IL36B: variants seen among roughly 807,000 people sequenced by gnomAD.
The protein encoded by IL36B is interleukin 36 beta, also known as interleukin-36 beta.
IL36B carries 23 observed loss-of-function variants against 19.3 expected under a neutral mutation model. That is an observed-to-expected ratio of 1.19 (90% CI 0.86 to 1.69). IL36B has a LOEUF of 1.69. IL36B is among the 40% of genes most tolerant of loss of function. IL36B has a pLI of 0.00. For missense variants in IL36B, 217 were observed against 200.5 expected (o/e 1.08, Z -0.50); for synonymous variants, 59 against 59.7 (o/e 0.99, Z 0.05).
At chr2:113,050,548 T>C (rs984423084) in intron 1 of IL36B, among the ~76,000 whole-genome samples, 3 of 152,120 alleles carry the variant, frequency 2.0e-5, no homozygotes, top group African/African-American at 4.8e-5. Flanking sequence ...TGCCCAACAA[T>C]GTGAATGTCC....
At chr2:113,038,538 C>T (rs1685197207) in intron 1 of IL36B, among the ~76,000 whole-genome samples, 1 of 152,162 alleles carries the variant, frequency 6.6e-6, no homozygotes, top group Admixed American at 6.5e-5. Flanking sequence ...GCAGCTGTGA[C>T]TGCTGGTTGC....
chr2:113,042,158 C>T (rs1685269962), intron 1 of IL36B, among the ~76,000 whole-genome samples: 1 of 152,160 alleles, frequency 6.6e-6, no homozygotes, highest in Non-Finnish European at 1.5e-5. Flanking sequence ...GTTCATTCAC[C>T]TGTCACCCTA....
At chr2:113,029,209 C>T (rs1336304849) in intron 3 of IL36B, 131 bp from the exon 4 acceptor site, 5 of 857,598 alleles carry the variant, frequency 5.8e-6, no homozygotes, top group Non-Finnish European at 8.8e-6. Flanking sequence ...CATCACCCTC[C>T]TCAAACCTAT....
intron 1 of IL36B, among the ~76,000 whole-genome samples, chr2:113,041,397 G>T (rs775288061): frequency 1.1e-4 from 17 of 152,112 alleles, no homozygotes; most frequent in Non-Finnish European, 2.1e-4. Context: ...ATATCCATGA[G>T]AAAATATGAA....
intron 1 of IL36B, among the ~76,000 whole-genome samples, chr2:113,045,962 T>C (rs1017768804): frequency 6.6e-6 from 1 of 152,222 alleles, no homozygotes; most frequent in Non-Finnish European, 1.5e-5. Context: ...CTGAATTTCC[T>C]GTTTCTTTGC....
At position 113,047,214 on chromosome 2, in the gene IL36B, T is replaced by G. The variant is rs35805200; in HGVS notation, c.-58+5603A>C. On this transcript the variant is annotated intron_variant, in intron 1 of 5. Transcript: ENST00000259213. ...CTTACTTTTTGTTACAACAACATGCTTAGGCTGCTCTTGTGTATTTTCTGT... is the reference window on the plus strand; with the variant it reads ...CTTACTTTTTGTTACAACAACATGCGTAGGCTGCTCTTGTGTATTTTCTGT... Among the ~76,000 whole-genome samples, 613 of 152,346 alleles carry G rather than the reference T, an allele frequency of 4.0e-3. 7 individuals are homozygous for G. Among genetic ancestry groups the G allele is most frequent in the African/African-American group, 0.014 (581 of 41,578 alleles).
chr2:113,045,406 T>A (rs929295745), intron 1 of IL36B, among the ~76,000 whole-genome samples: 5 of 152,218 alleles, frequency 3.3e-5, no homozygotes, highest in African/African-American at 9.6e-5. Flanking sequence ...ATTTTCTCAG[T>A]ATCACTGGTT....
intron 1 of IL36B, among the ~76,000 whole-genome samples, chr2:113,040,600 G>A (rs1272248936): frequency 6.6e-6 from 1 of 152,020 alleles, no homozygotes; most frequent in Non-Finnish European, 1.5e-5. Context: ...CTGGCAGCAG[G>A]CTATCAGAAA....
intron 1 of IL36B, among the ~76,000 whole-genome samples, chr2:113,037,119 G>A (rs980270411): frequency 4.6e-5 from 7 of 152,234 alleles, no homozygotes; most frequent in Admixed American, 3.3e-4. Flanking sequence ...TTCCCATGAT[G>A]AGCGTGAGCA....
intron 1 of IL36B, 129 bp from the exon 2 acceptor site, chr2:113,031,895 A>G: frequency 1.7e-6 from 1 of 573,626 alleles, no homozygotes; most frequent in Non-Finnish European, 3.1e-6. Flanking sequence ...CTAGATGCAT[A>G]TTTGAGAATA....
chr2:113,028,170 T>C, intron 4 of IL36B, 55 bp from the exon 5 acceptor site: 1 of 1,418,498 alleles, frequency 7.0e-7, no homozygotes, highest in South Asian at 1.2e-5. Flanking sequence ...GAAGCTAAAG[T>C]AACTCAGCTC....
intron 5 of IL36B, among the ~76,000 whole-genome samples, chr2:113,024,551 C>T (rs1028434019): frequency 1.3e-5 from 2 of 152,178 alleles, no homozygotes; most frequent in African/African-American, 4.8e-5. Flanking sequence ...CAAAGAACAT[C>T]ACAGCTCTCG....
chr2:113,031,252 G>C, intron 2 of IL36B, 97 bp from the exon 3 acceptor site: 1 of 791,682 alleles, frequency 1.3e-6, no homozygotes, highest in Non-Finnish European at 2.2e-6. Flanking sequence ...TTTCTGGAGA[G>C]AGTCTCATTG....
chr2:113,049,798 T>C (rs1685410989), intron 1 of IL36B, among the ~76,000 whole-genome samples: 1 of 152,030 alleles, frequency 6.6e-6, no homozygotes, highest in Non-Finnish European at 1.5e-5. Flanking sequence ...CTACTAAAAA[T>C]ACAAAAGTTA....
intron 1 of IL36B, among the ~76,000 whole-genome samples, chr2:113,039,203 G>A (rs1403736204): frequency 1.3e-5 from 2 of 152,120 alleles, no homozygotes; most frequent in African/African-American, 4.8e-5. Context: ...TGAGGGATGA[G>A]ACAGGCACAG....
chr2:113,043,057 T>G (rs762767087), intron 1 of IL36B, among the ~76,000 whole-genome samples: 1 of 152,148 alleles, frequency 6.6e-6, no homozygotes, highest in Non-Finnish European at 1.5e-5. Context: ...GTAGGCTTTT[T>G]GTTTTGGTCA....
At chr2:113,026,094 G>T (rs13429363) in intron 5 of IL36B, 13 of 1,612,658 alleles carry the variant, frequency 8.1e-6, no homozygotes, top group African/African-American at 1.3e-5. Context: ...AAGAGAATTT[G>T]CTCCTCACCC....
At chr2:113,047,006 CTTATT>C (rs1357077649) in intron 1 of IL36B, among the ~76,000 whole-genome samples, 2 of 152,058 alleles carry the variant, frequency 1.3e-5, no homozygotes, top group African/African-American at 2.4e-5. Context: ...ATTAGTCTGT[CTTATT>C]TATTTATTTA....
At chr2:113,030,401 G>A (rs1291768059) in intron 3 of IL36B, among the ~76,000 whole-genome samples, 1 of 152,154 alleles carries the variant, frequency 6.6e-6, no homozygotes, top group Non-Finnish European at 1.5e-5. Context: ...TAATCCAGAT[G>A]TTAGACTGCA....
Sources: allele counts gnomAD v4.1 joint callset (sites outside exome capture counted in the v4.1 genomes callset), GRCh38; gene constraint gnomAD v4.1.1; transcripts MANE v1.5; gene names NCBI Gene and HGNC (gene_info 2026-07-23, HGNC 2026-07-21).